The following CHST9 variants were observed in gnomAD, a reference collection of about 807,000 sequenced individuals.
CHST9 encodes GalNAc-4-sulfotransferase 2.
In CHST9, 41 loss-of-function variants were observed where a neutral mutation model predicts 44.4. That is an observed-to-expected ratio of 0.92 (90% CI 0.72 to 1.20). The LOEUF is 1.20. CHST9 is among the 50% of genes most tolerant of loss of function. The pLI is 0.00. For synonymous variants in CHST9, 171 were observed against 178.4 expected, an observed-to-expected ratio of 0.96 and a Z score of 0.33; for missense variants, 504 against 516.5, an observed-to-expected ratio of 0.98 and a Z score of 0.23.
intron 1 of CHST9, among the ~76,000 whole-genome samples, chr18:27,177,133 A>C (rs1051612386): frequency 1.3e-5 from 2 of 152,056 alleles, no homozygotes; most frequent in African/African-American, 4.8e-5. Context: ...AAATGTTAGA[A>C]GGTAAAAGGG....
chr18:27,104,471 C>T (rs2058203326), intron 2 of CHST9, among the ~76,000 whole-genome samples: 1 of 152,142 alleles, frequency 6.6e-6, no homozygotes, highest in Admixed American at 6.5e-5. Flanking sequence ...TTTCCTTAGA[C>T]TATTATGAAA....
At chr18:26,931,627 C>T (rs535732809) in intron 5 of CHST9, among the ~76,000 whole-genome samples, 11 of 152,262 alleles carry the variant, frequency 7.2e-5, no homozygotes, top group South Asian at 2.1e-4. Context: ...TTTATTTCAA[C>T]GGGCAAGGAA....
At chr18:27,088,011 A>C (rs2058029722) in intron 2 of CHST9, among the ~76,000 whole-genome samples, 1 of 152,212 alleles carries the variant, frequency 6.6e-6, no homozygotes, top group Non-Finnish European at 1.5e-5. Context: ...GCTCCTTTTC[A>C]AAGACTGGAA....
chr18:27,022,008 C>T (rs1444466128), intron 4 of CHST9, among the ~76,000 whole-genome samples: 1 of 152,090 alleles, frequency 6.6e-6, no homozygotes, highest in Non-Finnish European at 1.5e-5. Context: ...TAAACAAGAG[C>T]TCAGTGAGGT....
intron 5 of CHST9, among the ~76,000 whole-genome samples, chr18:26,943,584 C>T (rs2056116503): frequency 6.6e-6 from 1 of 152,138 alleles, no homozygotes; most frequent in Admixed American, 6.5e-5. Context: ...GCATATTTTT[C>T]CACAGGTCAA....
At chr18:27,060,787 A>AC (rs2057712580) in intron 2 of CHST9, among the ~76,000 whole-genome samples, 2 of 152,156 alleles carry the variant, frequency 1.3e-5, no homozygotes, top group Admixed American at 6.5e-5. Flanking sequence ...TTTCTGGCTA[A>AC]TGACATGTAC....
intron 4 of CHST9, among the ~76,000 whole-genome samples, chr18:26,994,024 T>C (rs1274578438): frequency 6.6e-6 from 1 of 152,194 alleles, no homozygotes; most frequent in Non-Finnish European, 1.5e-5. Flanking sequence ...CCTTACAGAT[T>C]TGATGTCTCT....
At chr18:27,088,858 G>A (rs2058038902) in intron 2 of CHST9, among the ~76,000 whole-genome samples, 1 of 152,128 alleles carries the variant, frequency 6.6e-6, no homozygotes, top group Non-Finnish European at 1.5e-5. Context: ...ACATACCAGG[G>A]ACCTGGTTTA....
chr18:26,925,983 A>G (rs977052716), intron 5 of CHST9: 2 of 152,212 alleles, frequency 1.3e-5, no homozygotes, highest in Non-Finnish European at 2.9e-5. Context: ...AAAGAGAAGG[A>G]TAAGACACTT....
rs559296293 is a variant in CHST9, at chr18:27,153,072, C to T, written c.-96-10167G>A. Among the ~76,000 whole-genome samples the T allele has an allele frequency of 1.6e-4, 25 of 152,142 alleles. No individual in the cohort carries two copies. The South Asian group carries it at 5.0e-3, about 30-fold the overall frequency. On this transcript the variant is annotated intron_variant, in intron 1 of 5. Coordinates refer to ENST00000618847, the MANE Select transcript of CHST9 (RefSeq NM_031422.6). ...AGCAGGAAGTGGAATTAAAGAATACCGAAGTGGGTGCTGTGTTGCTGCTCT... is the reference window on the plus strand; with the variant it reads ...AGCAGGAAGTGGAATTAAAGAATACTGAAGTGGGTGCTGTGTTGCTGCTCT...
intron 2 of CHST9, among the ~76,000 whole-genome samples, chr18:27,050,047 T>C (rs1477993424): frequency 3.3e-5 from 5 of 152,140 alleles, no homozygotes; most frequent in Non-Finnish European, 7.4e-5. Flanking sequence ...TGCTACTGCT[T>C]GCTGAGTTCA....
chr18:27,121,964 T>G (rs1262269774), intron 2 of CHST9, among the ~76,000 whole-genome samples: 2 of 152,224 alleles, frequency 1.3e-5, no homozygotes, highest in Non-Finnish European at 2.9e-5. Flanking sequence ...GTCTTTTTTA[T>G]GATAAATTGG....
chr18:27,028,839 T>C (rs1159649445), intron 3 of CHST9, among the ~76,000 whole-genome samples: 1 of 152,214 alleles, frequency 6.6e-6, no homozygotes, highest in East Asian at 1.9e-4. Context: ...CGAGCCACTG[T>C]GCCTGGCCAG....
chr18:27,000,471 T>C (rs2056935528), intron 4 of CHST9, among the ~76,000 whole-genome samples: 1 of 152,206 alleles, frequency 6.6e-6, no homozygotes, highest in Admixed American at 6.5e-5. Context: ...TAAAATAATA[T>C]ATCTATTCTT....
intron 2 of CHST9, among the ~76,000 whole-genome samples, chr18:27,094,198 A>G (rs910516890): frequency 6.6e-6 from 1 of 152,222 alleles, no homozygotes; most frequent in Admixed American, 6.5e-5. Context: ...AATCATAATC[A>G]TAAAACACTG....
chr18:27,099,056 T>G (rs558746131), intron 2 of CHST9, among the ~76,000 whole-genome samples: 1 of 152,236 alleles, frequency 6.6e-6, no homozygotes, highest in South Asian at 2.1e-4. Flanking sequence ...AGCCATCTGA[T>G]CTTTGACAAA....
At chr18:27,110,720 A>C (rs574201555) in intron 2 of CHST9, among the ~76,000 whole-genome samples, 13 of 152,342 alleles carry the variant, frequency 8.5e-5, no homozygotes, top group Admixed American at 3.9e-4. Context: ...TCAGAGGCCA[A>C]ATTCAGATCA....
chr18:26,922,139 AG>A (rs1236847344), intron 5 of CHST9, among the ~76,000 whole-genome samples: 9 of 151,980 alleles, frequency 5.9e-5, no homozygotes, highest in African/African-American at 2.2e-4. Context: ...GGTGCTGCTG[AG>A]CCTCTTCTCC....
chr18:26,959,395 A>G (rs987533929), intron 4 of CHST9, among the ~76,000 whole-genome samples: 6 of 152,234 alleles, frequency 3.9e-5, no homozygotes, highest in African/African-American at 1.2e-4. Flanking sequence ...GATGGGATCA[A>G]TGGTATCCCA....
Sources: allele counts gnomAD v4.1 joint callset (sites outside exome capture counted in the v4.1 genomes callset), GRCh38; gene constraint gnomAD v4.1.1; transcripts MANE v1.5; gene names NCBI Gene and HGNC (gene_info 2026-07-23, HGNC 2026-07-21).